Variants in ADGRG6 observed in about 807,000 individuals in gnomAD.
ADGRG6 encodes the protein G-protein coupled receptor 126.
ADGRG6 carries 84 observed loss-of-function variants against 142.4 expected under a neutral mutation model. The ratio of observed to expected loss-of-function variants is 0.59; its 90% CI spans 0.49 to 0.71. ADGRG6 has a LOEUF of 0.71. Among genes scored for constraint, ADGRG6 ranks in the 30% least tolerant of loss-of-function variants. ADGRG6 has a pLI of 0.00. For missense variants in ADGRG6, 1,367 were observed against 1,466.6 expected, an observed-to-expected ratio of 0.93 and a Z score of 1.11; for synonymous variants, 521 against 520.5, an observed-to-expected ratio of 1.00 and a Z score of -0.01.
At chr6:142,401,104 T>C (rs1224388579) in intron 11 of ADGRG6, among the ~76,000 whole-genome samples, 1 of 152,104 alleles carries the variant, frequency 6.6e-6, no homozygotes, top group East Asian at 1.9e-4. Flanking sequence ...GAATAGCAAG[T>C]CAAATCCATT....
At chr6:142,398,223 C>A (rs1775304412) in intron 10 of ADGRG6, among the ~76,000 whole-genome samples, 1 of 152,128 alleles carries the variant, frequency 6.6e-6, no homozygotes, top group Non-Finnish European at 1.5e-5. Flanking sequence ...CCCAGGAATT[C>A]GAGACTAGCC....
intron 2 of ADGRG6, among the ~76,000 whole-genome samples, chr6:142,363,097 T>C (rs2114835371): frequency 6.6e-6 from 1 of 152,310 alleles, no homozygotes; most frequent in Non-Finnish European, 1.5e-5. Flanking sequence ...TATGTTCAAA[T>C]AGAGATCAAG....
At chr6:142,430,181 A>G (rs1487387080) in intron 22 of ADGRG6, among the ~76,000 whole-genome samples, 1 of 152,234 alleles carries the variant, frequency 6.6e-6, no homozygotes, top group African/African-American at 2.4e-5. Context: ...TATATCTGCA[A>G]GTCTTCCCTT....
chr6:142,423,329 A>C (rs1346563657), intron 22 of ADGRG6, among the ~76,000 whole-genome samples: 1 of 149,092 alleles, frequency 6.7e-6, no homozygotes, highest in Non-Finnish European at 1.5e-5. Flanking sequence ...ATCCATCTTG[A>C]ATTGATTTTT....
chr6:142,345,394 T>C (rs1779851551), intron 2 of ADGRG6, among the ~76,000 whole-genome samples: 1 of 152,046 alleles, frequency 6.6e-6, no homozygotes, highest in African/African-American at 2.4e-5. Flanking sequence ...ATGATGAAAA[T>C]ACTAACCCAA....
Position 142,317,604 on chromosome 6 carries a change from AT to A in ADGRG6, c.103+7961del, listed in dbSNP as rs1429036880. On this transcript the variant is annotated intron_variant, in intron 2 of 24. Coordinates refer to ENST00000367609, the MANE Select transcript of ADGRG6 (RefSeq NM_198569.3). ...TAGACTCATTTAAACGCTAAAGGCT[AT>A]GTCATTGTAATATTATAAATGAGCG... is the stretch of plus-strand genomic sequence containing the variant. Among the ~76,000 whole-genome samples the A allele has an allele frequency of 1.1e-4, 16 of 146,664 alleles. No homozygotes were observed. In the East Asian group the frequency reaches 2.0e-3, roughly 18 times the overall value.
At chr6:142,343,710 G>T (rs1011274678) in intron 2 of ADGRG6, among the ~76,000 whole-genome samples, 1 of 151,778 alleles carries the variant, frequency 6.6e-6, no homozygotes, top group African/African-American at 2.4e-5. Context: ...TCCAAGAATA[G>T]TAACATTAAA....
chr6:142,356,819 A>C (rs1001697001), intron 2 of ADGRG6, among the ~76,000 whole-genome samples: 3 of 152,244 alleles, frequency 2.0e-5, no homozygotes, highest in African/African-American at 7.2e-5. Flanking sequence ...ATAGCCAAAT[A>C]ACCACATAAG....
intron 21 of ADGRG6, 122 bp from the exon 22 acceptor site, chr6:142,419,699 G>A (rs1003305710): frequency 1.5e-6 from 1 of 679,944 alleles, no homozygotes; most frequent in Non-Finnish European, 2.5e-6. Flanking sequence ...AGGAAGTAAA[G>A]TGGCTTTCTA....
intron 24 of ADGRG6, 40 bp downstream of exon 24, chr6:142,438,404 T>C: frequency 1.4e-6 from 2 of 1,417,262 alleles, no homozygotes; most frequent in East Asian, 5.0e-5. Flanking sequence ...TCTCATCACA[T>C]TTTCATTGCA....
intron 2 of ADGRG6, among the ~76,000 whole-genome samples, chr6:142,324,730 T>C (rs1329377388): frequency 6.6e-6 from 1 of 152,178 alleles, no homozygotes; most frequent in Non-Finnish European, 1.5e-5. Flanking sequence ...TTTGGAATTC[T>C]GTAACAATTC....
At chr6:142,378,461 C>G (rs946887113) in intron 4 of ADGRG6, among the ~76,000 whole-genome samples, 6 of 152,098 alleles carry the variant, frequency 3.9e-5, no homozygotes, top group African/African-American at 1.4e-4. Context: ...AAGTCCCTTA[C>G]AAAATATAAG....
chr6:142,327,979 G>A (rs1040345551), intron 2 of ADGRG6, among the ~76,000 whole-genome samples: 1 of 151,550 alleles, frequency 6.6e-6, no homozygotes, highest in Non-Finnish European at 1.5e-5. Flanking sequence ...CTTCCCAAAA[G>A]GCAAAAGAAT....
chr6:142,429,544 A>G (rs535146556), intron 22 of ADGRG6, among the ~76,000 whole-genome samples: 2 of 152,308 alleles, frequency 1.3e-5, no homozygotes, highest in Non-Finnish European at 2.9e-5. Flanking sequence ...AGAGAGAGCC[A>G]TAAACCCTTG....
At chr6:142,335,317 G>A (rs1293636259) in intron 2 of ADGRG6, among the ~76,000 whole-genome samples, 1 of 152,158 alleles carries the variant, frequency 6.6e-6, no homozygotes, top group Non-Finnish European at 1.5e-5. Context: ...ATTGATCTTG[G>A]TAGTGGTGGG....
chr6:142,322,603 A>T (rs1267363463), intron 2 of ADGRG6, among the ~76,000 whole-genome samples: 2 of 151,992 alleles, frequency 1.3e-5, no homozygotes, highest in African/African-American at 2.4e-5. Context: ...CTAATGCAAA[A>T]ACCAACATAT....
chr6:142,396,779 G>A (rs1458837965), intron 9 of ADGRG6, among the ~76,000 whole-genome samples: 1 of 152,016 alleles, frequency 6.6e-6, no homozygotes, highest in South Asian at 2.1e-4. Flanking sequence ...TCCTCTACCT[G>A]ACAAAATAAT....
chr6:142,415,385 T>C (rs924434626), intron 19 of ADGRG6, among the ~76,000 whole-genome samples: 1 of 152,206 alleles, frequency 6.6e-6, no homozygotes, highest in African/African-American at 2.4e-5. Context: ...TGAAAATGTT[T>C]GTTTTATAAT....
In ADGRG6 at chr6:142,402,775, A is replaced by G; in HGVS notation, c.1900A>G (p.Ile634Val). ...DITLGSTLMNIFSNILSSSDS... is the reference protein window; with the variant it reads ...DITLGSTLMNVFSNILSSSDS... ...AACACTTGGCTCAACTCTAATGAAT[A>G]TATTTTCTAATATCTTAAGCAGTTC... Residue 634 changes from isoleucine (I) to valine (V), a missense_variant, in exon 13 of 25, where the codon ATA becomes GTA. By Grantham distance (29) the Ile-to-Val change is conservative. Coordinates refer to ENST00000367609, the MANE Select transcript of ADGRG6 (RefSeq NM_198569.3). The G allele has an allele frequency of 1.9e-6, 3 of 1,602,210 alleles. No homozygotes were observed. The highest frequency in any genetic ancestry group is 2.6e-6 in the Non-Finnish European group (3 of 1,170,580).
Sources: gnomAD v4.1 joint callset for allele counts (sites outside exome capture counted in the v4.1 genomes callset) on GRCh38, gnomAD v4.1.1 for gene constraint, MANE v1.5 for transcripts, NCBI Gene and HGNC (gene_info 2026-07-23, HGNC 2026-07-21) for gene names.